LGI2: variants seen among roughly 807,000 people sequenced by gnomAD.
LGI2 encodes leucine-rich repeat LGI family member 2.
LGI2 carries 30 observed loss-of-function variants against 52.0 expected under a neutral mutation model. The observed-to-expected ratio is 0.58, with a 90% CI of 0.43 to 0.78. The LOEUF is 0.78. Ranked by LOEUF, LGI2 falls within the 30% of genes least tolerant of loss-of-function variation. LGI2 has a pLI of 0.00. For missense variants in LGI2, 573 were observed against 692.5 expected (o/e 0.83, Z 1.94); for synonymous variants, 270 against 271.8 (o/e 0.99, Z 0.06).
Position 24,999,176 on chromosome 4 carries a change from T to G in LGI2, c.*4275A>C, listed in dbSNP as rs1725163553. 1 of 152,186 alleles carries G rather than the reference T, an allele frequency of 6.6e-6. No individual in the cohort carries two copies. Among genetic ancestry groups the G allele is most frequent in the Admixed American group, 6.5e-5 (1 of 15,280 alleles). The allele number at this position is 152,186 out of a possible 1,614,324, so 9.4% of individuals were successfully genotyped here. Reference sequence around the variant, plus strand: ...AAAAAGTAGATTTTGATACAAGCAATGGAATACAGTAAGGATAATAATAAC... The same window carrying G: ...AAAAAGTAGATTTTGATACAAGCAAGGGAATACAGTAAGGATAATAATAAC... On this transcript the variant is annotated 3_prime_UTR_variant, in exon 8 of 8. Transcript: ENST00000382114.
At chr4:25,030,049 C>A (rs969141727) in intron 1 of LGI2, among the ~76,000 whole-genome samples, 1 of 152,070 alleles carries the variant, frequency 6.6e-6, no homozygotes, top group African/African-American at 2.4e-5. Flanking sequence ...TCGTGTTCAG[C>A]TGCTCCTATG....
In LGI2 at chr4:25,026,868, A is replaced by C; in HGVS notation, c.341T>G (p.Leu114Arg). The C allele has an allele frequency of 6.2e-7, 1 of 1,608,188 alleles. No individual in the cohort carries two copies. Among genetic ancestry groups the C allele is most frequent in the Non-Finnish European group, 8.5e-7 (1 of 1,174,526 alleles). Residue 114 changes from leucine to arginine, a missense_variant and splice_region_variant, in exon 3 of 8, where the codon CTG becomes CGG. By Grantham distance (102) the Leu-to-Arg change is moderately radical (BLOSUM62 -2). Coordinates refer to ENST00000382114, the MANE Select transcript of LGI2 (RefSeq NM_018176.4). The stretch of plus-strand genomic sequence containing the variant: ...CAAATAGACAAAGCACAAAACTTAC[A>C]GGTATTCAAGATGAAAAAGTCCAGC... ...AFAGLFHLEYLFIEGNKIETI... is the reference protein window; with the variant it reads ...AFAGLFHLEYRFIEGNKIETI...
At chr4:25,014,908 G>T (rs1228114927) in intron 6 of LGI2, among the ~76,000 whole-genome samples, 1 of 151,162 alleles carries the variant, frequency 6.6e-6, no homozygotes, top group Non-Finnish European at 1.5e-5. Flanking sequence ...TATATTTGTG[G>T]GTATCAGAGG....
chr4:25,022,475 A>G (rs1472117388), intron 4 of LGI2, among the ~76,000 whole-genome samples: 1 of 152,018 alleles, frequency 6.6e-6, no homozygotes, highest in East Asian at 1.9e-4. Context: ...GGGTGGTCCT[A>G]CTCACTAGGA....
At chr4:25,028,406 G>T in intron 2 of LGI2, 101 bp downstream of exon 2, 2 of 1,035,018 alleles carry the variant, frequency 1.9e-6, no homozygotes, top group East Asian at 5.1e-5. Context: ...TCACGGAGCT[G>T]GGGTACTTTA....
At chr4:24,994,383 T>C (rs966727222), downstream of LGI2, among the ~76,000 whole-genome samples, 20 of 152,156 alleles carry the variant, frequency 1.3e-4, no homozygotes, top group Admixed American at 1.2e-3. Context: ...ATAGTTGACA[T>C]TAGAGAAAAG....
At chr4:25,014,598 A>T (rs757671622) in intron 6 of LGI2, among the ~76,000 whole-genome samples, 1 of 151,918 alleles carries the variant, frequency 6.6e-6, no homozygotes, top group Admixed American at 6.6e-5. Context: ...TTGGGAGGCC[A>T]AGGCAGGACT....
intron 4 of LGI2, among the ~76,000 whole-genome samples, chr4:25,019,979 C>T (rs1725903958): frequency 6.6e-6 from 1 of 152,140 alleles, no homozygotes; most frequent in Admixed American, 6.5e-5. Flanking sequence ...TATATCTTTG[C>T]TGAATTGATG....
At chr4:25,016,296 A>G (rs780405695) in intron 6 of LGI2, among the ~76,000 whole-genome samples, 6 of 152,244 alleles carry the variant, frequency 3.9e-5, no homozygotes, top group Non-Finnish European at 7.3e-5. Flanking sequence ...AGGTGTGAAG[A>G]GAACAAGGGA....
chr4:25,019,055 T>C, intron 5 of LGI2, 112 bp downstream of exon 5: 2 of 747,996 alleles, frequency 2.7e-6, no homozygotes, highest in Non-Finnish European at 4.7e-6. Context: ...TTGTTATAGA[T>C]TTTTAACCAC....
At position 25,023,068 on chromosome 4, in the gene LGI2, T is replaced by TTGATGATGATGATGATGA. The variant is rs59366282; in HGVS notation, c.413+1734_413+1751dup. ...ATGGAGGGAAGGAATTATGTTGATG[T>TTGATGATGATGATGATGA]TGATGATGATGATGATGATGATGAT... On this transcript the variant is annotated intron_variant, in intron 4 of 7. Coordinates refer to ENST00000382114, the MANE Select transcript of LGI2 (RefSeq NM_018176.4). 4.0e-3 allele frequency among the ~76,000 whole-genome samples: 601 copies of TTGATGATGATGATGATGA among 151,142 alleles called. 1 individual carries two copies. The highest frequency in any genetic ancestry group is 6.8e-3 in the South Asian group (32 of 4,718).
intron 6 of LGI2, among the ~76,000 whole-genome samples, chr4:25,012,826 C>T (rs919545983): frequency 2.6e-5 from 4 of 152,224 alleles, no homozygotes; most frequent in East Asian, 1.9e-4. Context: ...ACGGACAGGA[C>T]GCTGCACAGC....
intron 4 of LGI2, among the ~76,000 whole-genome samples, chr4:25,022,742 G>A (rs560321468): frequency 3.2e-4 from 49 of 152,250 alleles, no homozygotes; most frequent in South Asian, 1.2e-3. Context: ...GCAAATACCC[G>A]CGCATGATAC....
At chr4:25,010,566 C>A (rs1399409469) in intron 7 of LGI2, among the ~76,000 whole-genome samples, 1 of 152,244 alleles carries the variant, frequency 6.6e-6, no homozygotes, top group Non-Finnish European at 1.5e-5. Flanking sequence ...GGCACACATT[C>A]TTCCTAGACC....
At chr4:25,028,932 G>C (rs144332339) in intron 1 of LGI2, among the ~76,000 whole-genome samples, 88 of 152,318 alleles carry the variant, frequency 5.8e-4, no homozygotes, top group African/African-American at 2.1e-3. Flanking sequence ...GATTCTGTTT[G>C]TGTAGACACA....
chr4:25,003,613 C>A lies in LGI2; in HGVS notation c.1476G>T (p.Trp492Cys). 6.2e-7 allele frequency: 1 copy of A among 1,614,106 alleles called. No individual in the cohort carries two copies. The highest frequency in any genetic ancestry group is 8.5e-7 in the Non-Finnish European group (1 of 1,180,032). ...SDYTFSQIYQ[W>C]DKEKQLFKKF... The stretch of plus-strand genomic sequence containing the variant: ...TTTTGAATAGCTGCTTCTCTTTATC[C>A]CACTGGTATATCTGAGAGAATGTAT... Residue 492 changes from tryptophan (W) to cysteine (C), a missense_variant, in exon 8 of 8, where the codon TGG becomes TGT. Coordinates refer to ENST00000382114, the MANE Select transcript of LGI2 (RefSeq NM_018176.4).
chr4:24,994,260 G>C (rs571936502), downstream of LGI2, among the ~76,000 whole-genome samples: 1 of 152,140 alleles, frequency 6.6e-6, no homozygotes. Flanking sequence ...TTTTCCAAGT[G>C]GTTAAAAATA....
chr4:25,010,312 G>C (rs985703093), intron 7 of LGI2, among the ~76,000 whole-genome samples: 3 of 152,104 alleles, frequency 2.0e-5, no homozygotes, highest in Admixed American at 6.6e-5. Context: ...AGAAAAGACA[G>C]GGCTGTCCTA....
intron 7 of LGI2, among the ~76,000 whole-genome samples, chr4:25,007,122 T>C (rs960887841): frequency 6.6e-6 from 1 of 152,250 alleles, no homozygotes; most frequent in African/African-American, 2.4e-5. Flanking sequence ...CAACTTGATA[T>C]TGACACTACA....
Sources: allele counts gnomAD v4.1 joint callset (sites outside exome capture counted in the v4.1 genomes callset), GRCh38; gene constraint gnomAD v4.1.1; transcripts MANE v1.5; gene names NCBI Gene and HGNC (gene_info 2026-07-23, HGNC 2026-07-21).